Variants in NUP35 observed in about 807,000 individuals in gnomAD.
NUP35 encodes the protein nucleoporin NUP35.
NUP35 carries 25 observed loss-of-function variants against 41.5 expected under a neutral mutation model. The observed-to-expected ratio is 0.60, with a 90% CI of 0.44 to 0.84. The LOEUF (loss-of-function observed/expected upper bound fraction) is 0.84, where lower values mean the gene tolerates loss of function less well. Among genes scored for constraint, NUP35 ranks in the 40% least tolerant of loss-of-function variants. The pLI is 0.00. For synonymous variants in NUP35, 149 were observed against 130.7 expected (o/e 1.14, Z -0.96); for missense variants, 396 against 396.6 (o/e 1.00, Z 0.01).
At chr2:183,157,336 C>A in intron 5 of NUP35, 108 bp from the exon 6 acceptor site, 1 of 826,928 alleles carries the variant, frequency 1.2e-6, no homozygotes, top group African/African-American at 1.7e-5. Context: ...CTCCTGTTAA[C>A]GTTCTAGACA....
intron 4 of NUP35, among the ~76,000 whole-genome samples, chr2:183,139,137 T>C (rs559204628): frequency 6.6e-6 from 1 of 152,252 alleles, no homozygotes; most frequent in African/African-American, 2.4e-5. Flanking sequence ...TTAAAATGTA[T>C]GCTTTTCAGT....
intron 4 of NUP35, among the ~76,000 whole-genome samples, chr2:183,135,823 A>G (rs1162181329): frequency 6.6e-6 from 1 of 152,094 alleles, no homozygotes; most frequent in Non-Finnish European, 1.5e-5. Flanking sequence ...TGATTTTGTC[A>G]CTGCACTCCA....
At chr2:183,147,657 A>C (rs191495508) in intron 4 of NUP35, among the ~76,000 whole-genome samples, 81 of 152,256 alleles carry the variant, frequency 5.3e-4, no homozygotes, top group African/African-American at 1.7e-3. Context: ...TGCTTTGGCT[A>C]TTTGGGCTCT....
chr2:183,133,755 A>G, intron 4 of NUP35, 132 bp downstream of exon 4: 1 of 538,272 alleles, frequency 1.9e-6, no homozygotes. Flanking sequence ...CTTCGAATGA[A>G]TTTAATATAA....
intron 5 of NUP35, among the ~76,000 whole-genome samples, chr2:183,155,958 A>G (rs562579494): frequency 8.8e-4 from 134 of 152,216 alleles, no homozygotes; most frequent in African/African-American, 3.0e-3. Context: ...CCTTTAAGGG[A>G]TAAAGTATTT....
chr2:183,133,841 T>G (rs992184164), intron 4 of NUP35, among the ~76,000 whole-genome samples: 1 of 152,178 alleles, frequency 6.6e-6, no homozygotes, highest in Non-Finnish European at 1.5e-5. Context: ...TATAACTTCT[T>G]TCAGGAAGGA....
At chr2:183,131,906 G>A (rs184016936) in intron 3 of NUP35, among the ~76,000 whole-genome samples, 1 of 152,296 alleles carries the variant, frequency 6.6e-6, no homozygotes, top group East Asian at 1.9e-4. Flanking sequence ...TCTAAAGGTT[G>A]ATAAGTAAAG....
intron 1 of NUP35, among the ~76,000 whole-genome samples, chr2:183,126,204 G>C (rs1266029336): frequency 1.3e-5 from 2 of 152,066 alleles, no homozygotes; most frequent in African/African-American, 4.8e-5. Flanking sequence ...GCTACTTATT[G>C]TATTTTTGGT....
intron 4 of NUP35, 74 bp downstream of exon 4, chr2:183,133,697 T>A: frequency 2.0e-6 from 2 of 993,538 alleles, no homozygotes; most frequent in Non-Finnish European, 2.9e-6. Context: ...TGGAGTGCAG[T>A]GGTGTGATCA....
At chr2:183,138,262 TA>T (rs1198736817) in intron 4 of NUP35, among the ~76,000 whole-genome samples, 5 of 49,066 alleles carry the variant, frequency 1.0e-4, no homozygotes, top group African/African-American at 5.3e-4. Context: ...TATATATATA[TA>T]TATATATTTT....
At chr2:183,121,915 T>TTTTTTATTATTATTATTATTATTATTA (rs143821626), upstream of NUP35, among the ~76,000 whole-genome samples, 9 of 145,322 alleles carry the variant, frequency 6.2e-5, no homozygotes, top group South Asian at 4.3e-4. Context: ...GGCCATTCTT[T>TTTTTTATTATTATTATTATTATTATTA]TTATTATTAT....
At chr2:183,134,244 T>C (rs1431802255) in intron 4 of NUP35, among the ~76,000 whole-genome samples, 1 of 152,174 alleles carries the variant, frequency 6.6e-6, no homozygotes, top group Non-Finnish European at 1.5e-5. Context: ...AGCACCTAAC[T>C]GTGTACTCTG....
At chr2:183,125,588 A>G (rs1042641324) in intron 1 of NUP35, among the ~76,000 whole-genome samples, 1 of 152,248 alleles carries the variant, frequency 6.6e-6, no homozygotes, top group Non-Finnish European at 1.5e-5. Flanking sequence ...AAATTTATAT[A>G]TAGATGTCGT....
At chr2:183,152,177 C>A (rs1685494796) in intron 5 of NUP35, among the ~76,000 whole-genome samples, 1 of 137,108 alleles carries the variant, frequency 7.3e-6, no homozygotes, top group African/African-American at 2.6e-5. Context: ...TTGATACTTT[C>A]TGGTCCACAA....
chr2:183,142,064 T>C (rs1032173306), intron 4 of NUP35, among the ~76,000 whole-genome samples: 1 of 152,248 alleles, frequency 6.6e-6, no homozygotes, highest in African/African-American at 2.4e-5. Flanking sequence ...TCCATTGTCT[T>C]CTGCCTTCCA....
At chr2:183,161,009 A>G (rs1685854490) in intron 8 of NUP35, 45 bp from the exon 9 acceptor site, 34 of 1,448,322 alleles carry the variant, frequency 2.3e-5, no homozygotes, top group Non-Finnish European at 3.2e-5. Context: ...ATGACACTGA[A>G]GTAACAATAA....
At chr2:183,135,781 T>C (rs564672375) in intron 4 of NUP35, among the ~76,000 whole-genome samples, 1 of 152,202 alleles carries the variant, frequency 6.6e-6, no homozygotes, top group East Asian at 1.9e-4. Flanking sequence ...GGAGGATTGC[T>C]TGAGCCCAGG....
intron 7 of NUP35, among the ~76,000 whole-genome samples, chr2:183,158,650 T>C (rs777570691): frequency 6.6e-6 from 1 of 152,170 alleles, no homozygotes; most frequent in Non-Finnish European, 1.5e-5. Context: ...CTGAGAGGGC[T>C]TAAGTAACTT....
intron 1 of NUP35, among the ~76,000 whole-genome samples, chr2:183,126,307 G>A (rs1684482200): frequency 6.6e-6 from 1 of 152,224 alleles, no homozygotes; most frequent in South Asian, 2.1e-4. Context: ...GGGATTAGAG[G>A]CTTGCGCCTT....
Sources: allele counts gnomAD v4.1 joint callset (sites outside exome capture counted in the v4.1 genomes callset), GRCh38; gene constraint gnomAD v4.1.1; transcripts MANE v1.5; gene names NCBI Gene and HGNC (gene_info 2026-07-23, HGNC 2026-07-21).